SERINC5: variants seen among roughly 807,000 people sequenced by gnomAD.
The protein encoded by SERINC5 is serine incorporator 5.
SERINC5 carries 41 observed loss-of-function variants against 63.1 expected under a neutral mutation model. That is an observed-to-expected ratio of 0.65 (90% confidence interval 0.51 to 0.84). The LOEUF (loss-of-function observed/expected upper bound fraction) is 0.84, where lower values mean the gene tolerates loss of function less well. SERINC5 is among the 40% of genes least tolerant of loss of function. SERINC5 has a pLI of 0.00. For missense variants in SERINC5, 523 were observed against 573.0 expected (o/e 0.91, Z 0.89); for synonymous variants, 222 against 215.2 (o/e 1.03, Z -0.28).
chr5:80,219,117 C>A (rs1750792527), intron 1 of SERINC5, among the ~76,000 whole-genome samples: 1 of 152,194 alleles, frequency 6.6e-6, no homozygotes, highest in African/African-American at 2.4e-5. Flanking sequence ...AAAACCACAG[C>A]TGTACCTGGA....
Position 80,143,705 on chromosome 5 carries a change from C to A in SERINC5, c.1344G>T (p.Leu448=). The change falls in exon 12 of 12, where the codon CTG becomes CTT. Residue 448 remains leucine, a synonymous_variant. Coordinates refer to ENST00000507668, the MANE Select transcript of SERINC5 (RefSeq NM_001174072.3). ...WICVLLYLCT[L]VAPLCCPTRE... ...GGGTGGGGCAGCAGAGGGGAGCGAC[C>A]AGCGTACACAGGTACAACAGCACGC... is the stretch of plus-strand genomic sequence containing the variant. 2 of 1,536,114 alleles carry A rather than the reference C, an allele frequency of 1.3e-6. No homozygotes were observed.
intron 4 of SERINC5, among the ~76,000 whole-genome samples, chr5:80,175,270 T>C (rs1747955590): frequency 2.0e-5 from 3 of 152,206 alleles, no homozygotes; most frequent in South Asian, 2.1e-4. Context: ...AATGGTATAG[T>C]TGGGATCTGA....
chr5:80,207,143 C>T (rs1022912801), intron 1 of SERINC5, among the ~76,000 whole-genome samples: 7 of 152,002 alleles, frequency 4.6e-5, no homozygotes, highest in African/African-American at 9.7e-5. Context: ...GGACTACAGG[C>T]GCCCGCCACC....
chr5:80,186,973 T>C (rs1377725349), intron 2 of SERINC5, among the ~76,000 whole-genome samples: 1 of 152,036 alleles, frequency 6.6e-6, no homozygotes, highest in Admixed American at 6.6e-5. Flanking sequence ...CTGGCTAACA[T>C]GGTGAAACTC....
intron 1 of SERINC5, among the ~76,000 whole-genome samples, chr5:80,227,606 C>CAAAAA (rs74441331): frequency 2.9e-5 from 3 of 102,754 alleles, no homozygotes; most frequent in Admixed American, 9.6e-5. Context: ...ACTAAAAATA[C>CAAAAA]AAAAAAAAAA....
At chr5:80,115,412 A>T (rs1744290554) in intron 11 of SERINC5, among the ~76,000 whole-genome samples, 1 of 152,062 alleles carries the variant, frequency 6.6e-6, no homozygotes, top group Non-Finnish European at 1.5e-5. Flanking sequence ...GTTGCTTATT[A>T]TGAACCCACC....
chr5:80,158,672 G>A (rs1746688091), intron 8 of SERINC5, 164 bp downstream of exon 8: 1 of 601,158 alleles, frequency 1.7e-6, no homozygotes, highest in African/African-American at 1.8e-5. Context: ...CAAGTAAGGT[G>A]AACGAAGTTC....
chr5:80,212,402 C>A lies in SERINC5; in HGVS notation c.28-9349G>T, dbSNP rs79327043. Among the ~76,000 whole-genome samples the A allele has an allele frequency of 4.0e-3, 602 of 152,312 alleles. 6 individuals carry two copies. Among genetic ancestry groups the A allele is most frequent in the African/African-American group, 0.013 (532 of 41,576 alleles). ...CATCTTTTAACTACAGAGTTCCACA[C>A]CTTTCAGTAATACATAATACTGCCC... On this transcript the variant is annotated intron_variant, in intron 1 of 11. Coordinates refer to ENST00000507668, the MANE Select transcript of SERINC5 (RefSeq NM_001174072.3).
chr5:80,227,520 G>C (rs2112554869), intron 1 of SERINC5, among the ~76,000 whole-genome samples: 1 of 151,728 alleles, frequency 6.6e-6, no homozygotes, highest in South Asian at 2.1e-4. Context: ...TAGCTCTTTG[G>C]GAGACCCAGG....
chr5:80,233,351 C>G (rs186466361), intron 1 of SERINC5, among the ~76,000 whole-genome samples: 137 of 152,208 alleles, frequency 9.0e-4, no homozygotes, highest in Admixed American at 4.0e-3. Flanking sequence ...CACTTGAACC[C>G]GGGAGGCGGA....
rs1386075533 is a variant in SERINC5 at position 80,169,255 on chromosome 5, A to C, written c.763+80T>G. Reference sequence around the variant, plus strand: ...TACACTAGTTCCAAACAAACAAAACAAAACAAAAAAAGCCATTGGGTTTGC... The same window carrying C: ...TACACTAGTTCCAAACAAACAAAACCAAACAAAAAAAGCCATTGGGTTTGC... On this transcript the variant is annotated intron_variant, in intron 6 of 11. Coordinates refer to ENST00000507668, the MANE Select transcript of SERINC5 (RefSeq NM_001174072.3). 10 of 1,247,612 alleles carry C rather than the reference A, an allele frequency of 8.0e-6. No individual in the cohort carries two copies. The East Asian group carries it at 2.3e-4, about 29-fold the overall frequency. The allele number at this position is 1,247,612 out of a possible 1,614,324, so 77.3% of individuals were successfully genotyped here.
At chr5:80,136,336 G>A (rs1745175658), downstream of SERINC5, among the ~76,000 whole-genome samples, 1 of 152,142 alleles carries the variant, frequency 6.6e-6, no homozygotes, top group East Asian at 1.9e-4. Context: ...GGTGTCACCA[G>A]CATAAGGGCA....
chr5:80,144,884 C>T (rs866026512), intron 11 of SERINC5, among the ~76,000 whole-genome samples: 1 of 151,922 alleles, frequency 6.6e-6, no homozygotes. Flanking sequence ...CATGTCTAAG[C>T]TTAACTTAGT....
intron 1 of SERINC5, among the ~76,000 whole-genome samples, chr5:80,251,169 C>T (rs1434406795): frequency 6.6e-6 from 1 of 152,086 alleles, no homozygotes; most frequent in Non-Finnish European, 1.5e-5. Context: ...GTCCCAGCTA[C>T]TTGGGAGGCT....
intron 2 of SERINC5, among the ~76,000 whole-genome samples, chr5:80,181,432 G>GTGTA (rs1439075756): frequency 6.6e-6 from 1 of 151,660 alleles, no homozygotes; most frequent in African/African-American, 2.4e-5. Context: ...GTGTGTGTGT[G>GTGTA]TGTGTGTGTG....
At chr5:80,248,674 TA>T (rs1752262481) in intron 1 of SERINC5, among the ~76,000 whole-genome samples, 1 of 152,084 alleles carries the variant, frequency 6.6e-6, no homozygotes, top group Non-Finnish European at 1.5e-5. Flanking sequence ...CACATCTTTA[TA>T]AAGATGAACA....
intron 7 of SERINC5, among the ~76,000 whole-genome samples, chr5:80,159,544 GGT>G (rs957414676): frequency 9.9e-5 from 15 of 152,092 alleles, no homozygotes; most frequent in African/African-American, 3.6e-4. Context: ...TCTCCAAAAT[GGT>G]GTCTTTTTAT....
chr5:80,169,524 T>C lies in SERINC5; in HGVS notation c.574A>G (p.Lys192Glu). The C allele has an allele frequency of 2.5e-6, 4 of 1,613,426 alleles. No homozygotes were observed. The highest frequency in any genetic ancestry group is 3.4e-6 in the Non-Finnish European group (4 of 1,179,634). Residue 192 changes from lysine to glutamate, a missense_variant, in exon 6 of 12, where the codon AAG becomes GAG. Physicochemically the swap from Lys to Glu is moderately conservative, Grantham distance 56. Transcript: ENST00000507668. ...KNWTAGTASN[K>E]LWYASLALVT... is the part of the protein sequence containing the mutation. Reference sequence around the variant, plus strand: ...AGGGCCAGGGAGGCGTACCACAGCTTGTTACTGGCTGTGCCTGCTGTCCTG... The same window carrying C: ...AGGGCCAGGGAGGCGTACCACAGCTCGTTACTGGCTGTGCCTGCTGTCCTG...
At chr5:80,197,224 C>T (rs976161538) in intron 2 of SERINC5, among the ~76,000 whole-genome samples, 8 of 151,818 alleles carry the variant, frequency 5.3e-5, no homozygotes, top group African/African-American at 1.9e-4. Flanking sequence ...TGGCAGGCAC[C>T]TGTAATCCCA....
Sources: allele counts gnomAD v4.1 joint callset (sites outside exome capture counted in the v4.1 genomes callset), GRCh38; gene constraint gnomAD v4.1.1; transcripts MANE v1.5; gene names NCBI Gene and HGNC (gene_info 2026-07-23, HGNC 2026-07-21).